Variants in HIVEP2 observed in about 807,000 individuals in gnomAD.
The protein encoded by HIVEP2 is transcription factor HIVEP2.
HIVEP2 carries 14 observed loss-of-function variants against 180.7 expected under a neutral mutation model. The observed-to-expected ratio is 0.08, with a 90% CI of 0.05 to 0.12. The LOEUF is 0.12. HIVEP2 is among the 10% of genes least tolerant of loss of function. HIVEP2 has a pLI of 1.00. For synonymous variants in HIVEP2, 1,184 were observed against 1,136.4 expected (o/e 1.04, Z -0.84); for missense variants, 2,579 against 3,008.5 (o/e 0.86, Z 3.34).
At position 142,764,957 on chromosome 6, in the gene HIVEP2, T is replaced by A; in HGVS notation, c.5360A>T (p.Asp1787Val). 6.2e-7 allele frequency: 1 copy of A among 1,608,592 alleles called. No individual in the cohort carries two copies. The highest frequency in any genetic ancestry group is 2.2e-5 in the East Asian group (1 of 44,728). The change falls in exon 7 of 10, where the codon GAT (aspartate) becomes GTT (valine). Residue 1787 changes from aspartate to valine, a missense_variant. By Grantham distance (152) the Asp-to-Val change is radical (BLOSUM62 -3). Coordinates refer to ENST00000367603, the MANE Select transcript of HIVEP2 (RefSeq NM_006734.4). ...IFEGGYKSNE[D>V]YVYVRGRGRG... ...GCCACGTCCTCTGACATATACATAATCTTCATTCGATTTGTACCTGTTTTA... is the reference window on the plus strand; with the variant it reads ...GCCACGTCCTCTGACATATACATAAACTTCATTCGATTTGTACCTGTTTTA...
chr6:142,769,462 T>A (rs1457612015), intron 5 of HIVEP2, 90 bp downstream of exon 5: 3 of 1,170,092 alleles, frequency 2.6e-6, no homozygotes, highest in Non-Finnish European at 3.7e-6. Context: ...TTACTTGTAT[T>A]TTTTTTTTAG....
At chr6:142,767,938 G>A (rs1775415740) in intron 6 of HIVEP2, among the ~76,000 whole-genome samples, 1 of 152,158 alleles carries the variant, frequency 6.6e-6, no homozygotes, top group Non-Finnish European at 1.5e-5. Flanking sequence ...AAAGCCTCTA[G>A]TTTAGATAAT....
chr6:142,929,637 C>T (rs1309917176), intron 1 of HIVEP2, among the ~76,000 whole-genome samples: 3 of 152,164 alleles, frequency 2.0e-5, no homozygotes, highest in Non-Finnish European at 4.4e-5. Flanking sequence ...TAAAGTACAT[C>T]ATGAAGTGCG....
At chr6:142,803,684 C>G (rs1011005397) in intron 2 of HIVEP2, among the ~76,000 whole-genome samples, 39 of 151,998 alleles carry the variant, frequency 2.6e-4, no homozygotes, top group Non-Finnish European at 4.4e-5. Flanking sequence ...TAGTTGCCTT[C>G]ACTGCATAGG....
intron 1 of HIVEP2, among the ~76,000 whole-genome samples, chr6:142,910,077 GATC>G (rs1777365612): frequency 6.6e-6 from 1 of 152,192 alleles, no homozygotes; most frequent in Admixed American, 6.5e-5. Flanking sequence ...TAGCCAATCA[GATC>G]ATCAAGCCTA....
chr6:142,753,871 C>A lies in HIVEP2; in HGVS notation c.6577G>T (p.Ala2193Ser). 6.2e-7 allele frequency: 1 copy of A among 1,613,576 alleles called. No homozygotes were observed. Among genetic ancestry groups the A allele is most frequent in the Non-Finnish European group, 8.5e-7 (1 of 1,179,502 alleles). Residue 2193 changes from alanine to serine, a missense_variant, in exon 10 of 10, where the codon GCT becomes TCT. This residue lies in a region of HIVEP2 where 660 missense variants were observed against 731.7 expected (regional missense o/e 0.90). Coordinates refer to ENST00000367603, the MANE Select transcript of HIVEP2 (RefSeq NM_006734.4). ...YFSLYGDQEG[A>S]YEHPGSSLFP... ...AGGCTGGAGCCTGGATGTTCATAAG[C>A]ACCTTCTTGGTCTCCATAGAGACTG...
At chr6:142,787,313 A>G (rs1047447665) in intron 2 of HIVEP2, among the ~76,000 whole-genome samples, 1 of 152,140 alleles carries the variant, frequency 6.6e-6, no homozygotes, top group Non-Finnish European at 1.5e-5. Flanking sequence ...CAATGGAAAA[A>G]TGGCAAATAG....
rs763316102 is a variant in HIVEP2 at position 142,771,607 on chromosome 6, T to C, written c.3132A>G (p.Pro1044=). Residue 1044 remains proline (P), a synonymous_variant, in exon 5 of 10, where the codon CCA becomes CCG. Coordinates refer to ENST00000367603, the MANE Select transcript of HIVEP2 (RefSeq NM_006734.4). The surrounding 1 kb of genome is among the most constrained non-coding windows in gnomAD (Gnocchi z 5.4). ...QMPCPHPAEV[P]EVRSKSFDYG... ...AATCAAATGATTTGCTCCGAACTTC[T>C]GGGACTTCCGCTGGGTGAGGACAAG... 2.2e-5 allele frequency: 35 copies of C among 1,614,190 alleles called. No homozygotes were observed. The Middle Eastern group carries it at 6.6e-4, about 30-fold the overall frequency.
chr6:142,795,720 TATTTC>T (rs753387205), intron 2 of HIVEP2, among the ~76,000 whole-genome samples: 4 of 152,200 alleles, frequency 2.6e-5, no homozygotes, highest in Admixed American at 6.5e-5. Flanking sequence ...TTTCAAAACT[TATTTC>T]AGTCTCACAA....
At chr6:142,805,524 C>T (rs1196494729) in intron 2 of HIVEP2, among the ~76,000 whole-genome samples, 1 of 151,606 alleles carries the variant, frequency 6.6e-6, no homozygotes, top group Non-Finnish European at 1.5e-5. Context: ...ATCCTGCCTT[C>T]CTTTGCTCAT....
At chr6:142,870,278 C>T (rs1776256558) in intron 1 of HIVEP2, among the ~76,000 whole-genome samples, 1 of 152,208 alleles carries the variant, frequency 6.6e-6, no homozygotes, top group African/African-American at 2.4e-5. Context: ...CCTCACCGCA[C>T]TCTCACTGAC....
chr6:142,912,264 T>C (rs1453485199), intron 1 of HIVEP2, among the ~76,000 whole-genome samples: 2 of 152,250 alleles, frequency 1.3e-5, no homozygotes, highest in Admixed American at 6.5e-5. Flanking sequence ...AGTGTCAGTC[T>C]TTCTGAAAAG....
chr6:142,755,514 T>C (rs891715142), intron 9 of HIVEP2, among the ~76,000 whole-genome samples: 3 of 152,182 alleles, frequency 2.0e-5, no homozygotes, highest in Admixed American at 6.5e-5. Context: ...CCGAGCTTGG[T>C]TATTTTTCTG....
intron 2 of HIVEP2, among the ~76,000 whole-genome samples, chr6:142,834,023 G>A (rs182505309): frequency 3.6e-4 from 55 of 152,242 alleles, no homozygotes; most frequent in African/African-American, 1.2e-3. Context: ...AAACTTAAAG[G>A]TCTACTCTGA....
chr6:142,927,164 G>A (rs541621957), intron 1 of HIVEP2, among the ~76,000 whole-genome samples: 2 of 152,240 alleles, frequency 1.3e-5, no homozygotes, highest in East Asian at 3.9e-4. Context: ...GAGCTCGCAA[G>A]CCCAGCGCTC....
chr6:142,818,810 A>G (rs1406401539), intron 2 of HIVEP2, among the ~76,000 whole-genome samples: 1 of 151,508 alleles, frequency 6.6e-6, no homozygotes, highest in Non-Finnish European at 1.5e-5. Context: ...GAAAAAGAAA[A>G]GAAAAAAAAA....
intron 1 of HIVEP2, among the ~76,000 whole-genome samples, chr6:142,936,445 G>C (rs9496483): frequency 0.22 from 32,622 of 151,494 alleles, 3,674 homozygotes; most frequent in African/African-American, 0.27. Context: ...CCACCTCAGC[G>C]TCCCAAAATG....
intron 3 of HIVEP2, among the ~76,000 whole-genome samples, chr6:142,778,309 G>C (rs1330523870): frequency 6.6e-6 from 1 of 152,150 alleles, no homozygotes; most frequent in Non-Finnish European, 1.5e-5. Context: ...ACAAGAAGAA[G>C]ACACAATGTT....
chr6:142,771,342 C>T lies in HIVEP2; in HGVS notation c.3397G>A (p.Glu1133Lys). The change falls in exon 5 of 10, where the codon GAG becomes AAG. Residue 1133 changes from glutamate to lysine, a missense_variant. Transcript: ENST00000367603. The surrounding 1 kb of genome is among the most constrained non-coding windows in gnomAD (Gnocchi z 5.4). Reference sequence around the variant, plus strand: ...CCCGCCACCTGCTTCCCTGGGTCCTCTTGCTGAAGAGGAGGCAGCACAGCA... The same window carrying T: ...CCCGCCACCTGCTTCCCTGGGTCCTTTTGCTGAAGAGGAGGCAGCACAGCA... ...PPAVLPPLQQEDPGKQVAGPC... is the reference protein window; with the variant it reads ...PPAVLPPLQQKDPGKQVAGPC... The T allele has an allele frequency of 6.2e-7, 1 of 1,613,060 alleles. No individual in the cohort carries two copies. Among genetic ancestry groups the T allele is most frequent in the Non-Finnish European group, 8.5e-7 (1 of 1,179,974 alleles).
Sources: gnomAD v4.1 joint callset for allele counts (sites outside exome capture counted in the v4.1 genomes callset) on GRCh38, gnomAD v4.1.1 for gene constraint, gnomAD v4.1.1 regional missense constraint, Gnocchi (gnomAD v3.1) non-coding constraint, MANE v1.5 for transcripts, NCBI Gene and HGNC (gene_info 2026-07-23, HGNC 2026-07-21) for gene names.